Variants in RGS6 observed in about 807,000 individuals in gnomAD.
The protein encoded by RGS6 is regulator of G protein signaling 6.
A neutral mutation model predicts 78.5 loss-of-function variants in RGS6; 30 were observed. The observed-to-expected ratio is 0.38, with a 90% CI of 0.29 to 0.52. The LOEUF is 0.52. Among genes scored for constraint, RGS6 ranks in the 20% least tolerant of loss-of-function variants. The pLI is 0.85. For synonymous variants in RGS6, 206 were observed against 206.0 expected (o/e 1.00, Z 0.00); for missense variants, 495 against 609.7 (o/e 0.81, Z 1.98).
chr14:72,394,077 A>G (rs1475451774), intron 3 of RGS6, among the ~76,000 whole-genome samples: 1 of 152,180 alleles, frequency 6.6e-6, no homozygotes, highest in Non-Finnish European at 1.5e-5. Flanking sequence ...GTCTGTCCTC[A>G]GAGCTATCAT....
At chr14:72,154,540 C>A (rs1279216388) in intron 2 of RGS6, among the ~76,000 whole-genome samples, 2 of 152,152 alleles carry the variant, frequency 1.3e-5, no homozygotes, top group Non-Finnish European at 2.9e-5. Context: ...CAGCTGGGGA[C>A]CACTTAATCA....
At chr14:72,613,581 G>A in the RGS6 span, among the ~76,000 whole-genome samples, 1 of 152,174 alleles carries the variant, frequency 6.6e-6, no homozygotes, top group African/African-American at 2.4e-5. Context: ...ACAGAAGCTG[G>A]AACAAAGGGC....
intron 2 of RGS6, among the ~76,000 whole-genome samples, chr14:72,150,695 C>G (rs1033209387): frequency 2.0e-5 from 3 of 151,932 alleles, no homozygotes; most frequent in Non-Finnish European, 4.4e-5. Context: ...AACCAGATCT[C>G]GTAAGAACTC....
chr14:72,030,095 T>G (rs1354928310), intron 2 of RGS6, among the ~76,000 whole-genome samples: 1 of 152,212 alleles, frequency 6.6e-6, no homozygotes, highest in East Asian at 1.9e-4. Flanking sequence ...ATATTAGTCT[T>G]TAATAAGTTA....
chr14:72,092,842 C>T (rs1254523106), intron 2 of RGS6, among the ~76,000 whole-genome samples: 2 of 152,164 alleles, frequency 1.3e-5, no homozygotes, highest in African/African-American at 2.4e-5. Flanking sequence ...TTACAATGAA[C>T]AAACCAATGT....
the RGS6 span, among the ~76,000 whole-genome samples, chr14:71,918,184 CAAAAAAAAAAAAAAAAAAAAAA>C: frequency 5.9e-5 from 2 of 33,724 alleles, no homozygotes; most frequent in South Asian, 1.9e-3. Context: ...ACTCCAGTCT[CAAAAAAAAAAAAAAAAAAAAAA>C]AAAAAAAAAA....
At chr14:72,193,196 G>T (rs1324163866) in intron 2 of RGS6, among the ~76,000 whole-genome samples, 2 of 152,276 alleles carry the variant, frequency 1.3e-5, no homozygotes, top group Non-Finnish European at 2.9e-5. Flanking sequence ...GTTTCGCCAT[G>T]TTGGCCAGGC....
chr14:72,455,964 A>G (rs2095619208), intron 4 of RGS6, among the ~76,000 whole-genome samples: 1 of 152,168 alleles, frequency 6.6e-6, no homozygotes, highest in Non-Finnish European at 1.5e-5. Flanking sequence ...TTTTATTATT[A>G]CTATTATGAG....
rs768765904 is a variant in RGS6, at chr14:72,352,128, A to G, written c.118A>G (p.Lys40Glu). 5.6e-6 allele frequency: 9 copies of G among 1,613,294 alleles called. No individual in the cohort carries two copies. In the Admixed American group the frequency reaches 1.3e-4, roughly 24 times the overall value. The change falls in exon 3 of 18, where the codon AAG (lysine) becomes GAG (glutamate). Residue 40 changes from lysine to glutamate, a missense_variant. Coordinates refer to ENST00000553525, the MANE Select transcript of RGS6 (RefSeq NM_001204424.2). The stretch of plus-strand genomic sequence containing the variant: ...CATCATTACAAAGATGCAAGATGAC[A>G]AGACAGGGGGTGTGCCCATCAGAAC... ...EDIITKMQDD[K>E]TGGVPIRTVK...
intron 2 of RGS6, among the ~76,000 whole-genome samples, chr14:72,280,624 AT>A (rs2061413393): frequency 6.6e-6 from 1 of 152,250 alleles, no homozygotes; most frequent in African/African-American, 2.4e-5. Flanking sequence ...GAGAGAAACA[AT>A]GTCCTCATTC....
chr14:71,886,691 T>C, the RGS6 span, among the ~76,000 whole-genome samples: 182 of 152,346 alleles, frequency 1.2e-3, no homozygotes, highest in Middle Eastern at 3.4e-3. Flanking sequence ...TTTGGTTGGT[T>C]TGTTTTGGAG....
At chr14:71,913,443 G>A in the RGS6 span, among the ~76,000 whole-genome samples, 1 of 152,244 alleles carries the variant, frequency 6.6e-6, no homozygotes, top group South Asian at 2.1e-4. Context: ...TTCCTCTGTG[G>A]CTCTCACGGT....
intron 2 of RGS6, among the ~76,000 whole-genome samples, chr14:72,348,946 C>T (rs1256839720): frequency 6.6e-6 from 1 of 152,042 alleles, no homozygotes; most frequent in Admixed American, 6.6e-5. Flanking sequence ...GTGGGCAGAT[C>T]ACAAGGTCAG....
At chr14:72,348,848 A>G (rs1207432579) in intron 2 of RGS6, among the ~76,000 whole-genome samples, 1 of 152,152 alleles carries the variant, frequency 6.6e-6, no homozygotes, top group Non-Finnish European at 1.5e-5. Context: ...AGAGCAAACC[A>G]CTTCAAACTT....
At chr14:72,037,643 T>C (rs1047942032) in intron 2 of RGS6, among the ~76,000 whole-genome samples, 3 of 152,190 alleles carry the variant, frequency 2.0e-5, no homozygotes, top group Non-Finnish European at 4.4e-5. Flanking sequence ...TTCAGAAGAC[T>C]GTCCTTTCTC....
At chr14:72,537,846 C>T (rs1300894217) in intron 16 of RGS6, 1 of 310,474 alleles carries the variant, frequency 3.2e-6, no homozygotes, top group Non-Finnish European at 5.8e-6. Context: ...AGCTAGAGGC[C>T]ATTGATTCTC....
At chr14:72,303,099 C>T (rs1294141804) in intron 2 of RGS6, among the ~76,000 whole-genome samples, 1 of 152,194 alleles carries the variant, frequency 6.6e-6, no homozygotes, top group African/African-American at 2.4e-5. Flanking sequence ...TGAGAACAGA[C>T]TAATACAAGC....
intron 2 of RGS6, among the ~76,000 whole-genome samples, chr14:72,154,154 C>T (rs544306374): frequency 1.6e-4 from 25 of 152,276 alleles, no homozygotes; most frequent in Admixed American, 6.5e-4. Flanking sequence ...TATAGGCTCT[C>T]GGCAAGAAGA....
chr14:72,188,902 T>C (rs1016225452), intron 2 of RGS6, among the ~76,000 whole-genome samples: 1 of 152,216 alleles, frequency 6.6e-6, no homozygotes, highest in African/African-American at 2.4e-5. Flanking sequence ...AAATTTATTA[T>C]GTGATCTTCT....
Sources: gnomAD v4.1 joint callset for allele counts (sites outside exome capture counted in the v4.1 genomes callset) on GRCh38, gnomAD v4.1.1 for gene constraint, MANE v1.5 for transcripts, NCBI Gene and HGNC (gene_info 2026-07-23, HGNC 2026-07-21) for gene names.